The following KCNQ3 variants were observed in gnomAD, a reference collection of about 807,000 sequenced individuals.
The protein encoded by KCNQ3 is potassium voltage-gated channel subfamily KQT member 3.
Under a neutral mutation model 92.5 loss-of-function variants are expected in KCNQ3, and 30 were observed. The observed-to-expected ratio is 0.32, with a 90% confidence interval of 0.24 to 0.44. The LOEUF (loss-of-function observed/expected upper bound fraction) is 0.44, where lower values mean the gene tolerates loss of function less well. Among genes scored for constraint, KCNQ3 ranks in the 20% least tolerant of loss-of-function variants. The pLI, the probability that KCNQ3 is intolerant of heterozygous loss-of-function variation, is 1.00. For missense variants in KCNQ3, 913 were observed against 1,140.3 expected, an observed-to-expected ratio of 0.80 and a Z score of 2.87; for synonymous variants, 450 against 468.8, an observed-to-expected ratio of 0.96 and a Z score of 0.52.
At position 132,282,223 on chromosome 8, in the gene KCNQ3, A is replaced by G. The variant is rs925192661; in HGVS notation, c.387-96042T>C. ...ACTATCTGCCTAAGTGAATTACACT[A>G]TGACCTCCTGAATAGTATGGCATGA... On this transcript the variant is annotated intron_variant, in intron 1 of 14. Transcript: ENST00000388996. 3.9e-5 allele frequency among the ~76,000 whole-genome samples: 6 copies of G among 152,218 alleles called. No individual in the cohort carries two copies. The East Asian group carries it at 9.6e-4, about 24-fold the overall frequency.
At position 132,324,876 on chromosome 8, in the gene KCNQ3, A is replaced by G. The variant is rs184462045; in HGVS notation, c.387-138695T>C. Among the ~76,000 whole-genome samples the G allele has an allele frequency of 2.0e-5, 3 of 152,136 alleles. No homozygotes were observed. In the East Asian group the frequency reaches 5.8e-4, roughly 29 times the overall value. ...TGCTGCCTTCCTGAGCTTTCCTGCAACTCAGCTCCACTGAGTTCTACTTGT... is the reference window on the plus strand; with the variant it reads ...TGCTGCCTTCCTGAGCTTTCCTGCAGCTCAGCTCCACTGAGTTCTACTTGT... On this transcript the variant is annotated intron_variant, in intron 1 of 14. Coordinates refer to ENST00000388996, the MANE Select transcript of KCNQ3 (RefSeq NM_004519.4).
rs774580122 is a variant in KCNQ3, at chr8:132,227,058, CTCT to C, written c.387-40880_387-40878del. Among the ~76,000 whole-genome samples the C allele has an allele frequency of 1.3e-3, 115 of 88,704 alleles. 6 individuals carry two copies. The highest frequency in any genetic ancestry group is 1.9e-3 in the African/African-American group (35 of 18,046). 58.2% of individuals were successfully genotyped at this position (88,704 alleles called of 152,430 possible). Reference sequence around the variant, plus strand: ...AATTAAGTACTTAAAACATATCTCACTCTTTTTTTTTTTTTTTTTTTTAGATGG... The same window carrying C: ...AATTAAGTACTTAAAACATATCTCACTTTTTTTTTTTTTTTTTTTAGATGG... On this transcript the variant is annotated intron_variant, in intron 1 of 14. Coordinates refer to ENST00000388996, the MANE Select transcript of KCNQ3 (RefSeq NM_004519.4).
At chr8:132,173,922 G>A (rs1486370395) in intron 6 of KCNQ3, among the ~76,000 whole-genome samples, 1 of 152,196 alleles carries the variant, frequency 6.6e-6, no homozygotes, top group Non-Finnish European at 1.5e-5. Flanking sequence ...CTCTGGGGAA[G>A]GCAGATCTAG....
At chr8:132,280,531 G>T (rs1816479683) in intron 1 of KCNQ3, among the ~76,000 whole-genome samples, 1 of 152,130 alleles carries the variant, frequency 6.6e-6, no homozygotes, top group Non-Finnish European at 1.5e-5. Context: ...AACAAGCCAT[G>T]ACGGATCTGC....
At chr8:132,450,963 T>C (rs909055069) in intron 1 of KCNQ3, among the ~76,000 whole-genome samples, 1 of 152,252 alleles carries the variant, frequency 6.6e-6, no homozygotes, top group South Asian at 2.1e-4. Context: ...ACGTCTGTGA[T>C]GCCCTTTGTT....
chr8:132,420,097 G>A (rs892808054), intron 1 of KCNQ3, among the ~76,000 whole-genome samples: 2 of 152,160 alleles, frequency 1.3e-5, no homozygotes, highest in African/African-American at 2.4e-5. Context: ...CTGGGGTGCA[G>A]ACTGACACCT....
At chr8:132,268,805 A>G (rs1171572165) in intron 1 of KCNQ3, among the ~76,000 whole-genome samples, 1 of 152,238 alleles carries the variant, frequency 6.6e-6, no homozygotes, top group Non-Finnish European at 1.5e-5. Flanking sequence ...AGAAACTGTC[A>G]AACTGTCTTC....
chr8:132,130,275 T>C (rs963401606), intron 14 of KCNQ3, among the ~76,000 whole-genome samples: 2 of 151,742 alleles, frequency 1.3e-5, no homozygotes, highest in Non-Finnish European at 2.9e-5. Context: ...AGAGACGGGG[T>C]TTCACAATCT....
intron 1 of KCNQ3, among the ~76,000 whole-genome samples, chr8:132,256,874 T>C (rs1057459012): frequency 4.6e-5 from 7 of 152,180 alleles, no homozygotes; most frequent in Non-Finnish European, 7.3e-5. Flanking sequence ...AAAGGAGTCT[T>C]TTAGGATGAA....
chr8:132,231,861 G>A (rs1814657195), intron 1 of KCNQ3, among the ~76,000 whole-genome samples: 1 of 152,166 alleles, frequency 6.6e-6, no homozygotes, highest in South Asian at 2.1e-4. Flanking sequence ...AGTGACTTCA[G>A]ACCCTAATAG....
At chr8:132,207,861 T>C (rs1813714658) in intron 1 of KCNQ3, among the ~76,000 whole-genome samples, 1 of 151,476 alleles carries the variant, frequency 6.6e-6, no homozygotes, top group African/African-American at 2.4e-5. Flanking sequence ...TCTTTTCCTT[T>C]TGGAAATCTC....
chr8:132,401,879 G>C (rs1156384654), intron 1 of KCNQ3, among the ~76,000 whole-genome samples: 5 of 152,174 alleles, frequency 3.3e-5, no homozygotes, highest in African/African-American at 1.2e-4. Flanking sequence ...ACTAGATTTG[G>C]CCAGTAGAAC....
intron 1 of KCNQ3, among the ~76,000 whole-genome samples, chr8:132,387,971 G>A (rs1282751275): frequency 3.4e-5 from 5 of 149,046 alleles, no homozygotes; most frequent in African/African-American, 7.5e-5. Flanking sequence ...GAAGAAGAAG[G>A]AGGAGAAGAG....
intron 1 of KCNQ3, among the ~76,000 whole-genome samples, chr8:132,360,096 T>C (rs1819124636): frequency 6.6e-6 from 1 of 152,190 alleles, no homozygotes; most frequent in Non-Finnish European, 1.5e-5. Context: ...ACAGCACAGC[T>C]AGGTCAATGA....
intron 1 of KCNQ3, among the ~76,000 whole-genome samples, chr8:132,332,306 G>A (rs2130664070): frequency 6.6e-6 from 1 of 152,250 alleles, no homozygotes; most frequent in African/African-American, 2.4e-5. Context: ...AATAGCTCCG[G>A]AGAAACACAT....
chr8:132,182,649 G>A (rs888431461), intron 3 of KCNQ3, among the ~76,000 whole-genome samples: 1 of 152,162 alleles, frequency 6.6e-6, no homozygotes, highest in Non-Finnish European at 1.5e-5. Context: ...TTTGAATGTG[G>A]GCACAATCCA....
At chr8:132,349,582 T>C (rs1818797949) in intron 1 of KCNQ3, among the ~76,000 whole-genome samples, 1 of 152,228 alleles carries the variant, frequency 6.6e-6, no homozygotes, top group Non-Finnish European at 1.5e-5. Flanking sequence ...GCTTGGGATA[T>C]GCATACGCAT....
At chr8:132,241,502 C>G (rs1204807089) in intron 1 of KCNQ3, among the ~76,000 whole-genome samples, 1 of 151,954 alleles carries the variant, frequency 6.6e-6, no homozygotes, top group Admixed American at 6.6e-5. Flanking sequence ...GGTTCTCCTA[C>G]AGTTATTATT....
intron 1 of KCNQ3, among the ~76,000 whole-genome samples, chr8:132,309,830 C>T (rs2130607997): frequency 6.6e-6 from 1 of 152,342 alleles, no homozygotes; most frequent in Non-Finnish European, 1.5e-5. Flanking sequence ...GAACTCTGAG[C>T]TGTGAAATAC....
Sources: allele counts gnomAD v4.1 joint callset (sites outside exome capture counted in the v4.1 genomes callset), GRCh38; gene constraint gnomAD v4.1.1; transcripts MANE v1.5; gene names NCBI Gene and HGNC (gene_info 2026-07-23, HGNC 2026-07-21).